The following SMYD5 variants were observed in gnomAD, a reference collection of about 807,000 sequenced individuals.
The protein encoded by SMYD5 is SMYD family member 5.
A neutral mutation model predicts 57.4 loss-of-function variants in SMYD5; 35 were observed. That is an observed-to-expected ratio of 0.61 (90% CI 0.47 to 0.81). The LOEUF is 0.81. SMYD5 is among the 30% of genes least tolerant of loss of function. SMYD5 has a pLI of 0.00. For missense variants in SMYD5, 471 were observed against 527.9 expected (o/e 0.89, Z 1.06); for synonymous variants, 198 against 189.7 (o/e 1.04, Z -0.36).
chr2:73,225,439 TG>T lies in SMYD5; in HGVS notation c.1036-190del, dbSNP rs909864238. 1.0e-5 allele frequency: 7 copies of T among 671,488 alleles called. No homozygotes were observed. The African/African-American group carries it at 1.3e-4, about 12-fold the overall frequency. The allele number at this position is 671,488 out of a possible 1,614,324, so 41.6% of individuals were successfully genotyped here. ...CTCCTCTGTCTCAGGCACAGGCTGT[TG>T]GAGCCTTATAGTGGCCTGCCTACTG... On this transcript the variant is annotated intron_variant, in intron 11 of 12. Transcript: ENST00000389501.
chr2:73,217,088 A>G (rs937687333), intron 1 of SMYD5, among the ~76,000 whole-genome samples: 6 of 151,964 alleles, frequency 3.9e-5, no homozygotes, highest in Non-Finnish European at 8.8e-5. Context: ...AGTAGCTGGG[A>G]CTACAGGTGA....
intron 1 of SMYD5, chr2:73,214,644 G>T: frequency 6.7e-7 from 1 of 1,494,658 alleles, no homozygotes; most frequent in South Asian, 1.2e-5. Context: ...GCGGGGCTAG[G>T]GGGCTTTGCT....
At chr2:73,219,765 T>A (rs535126333) in intron 2 of SMYD5, among the ~76,000 whole-genome samples, 1 of 151,984 alleles carries the variant, frequency 6.6e-6, no homozygotes, top group East Asian at 1.9e-4. Context: ...TTGGGGGTGG[T>A]AGGGGAGCCC....
intron 2 of SMYD5, 57 bp downstream of exon 2, chr2:73,219,026 C>T (rs1310427952): frequency 5.4e-5 from 67 of 1,234,536 alleles, no homozygotes; most frequent in Non-Finnish European, 7.3e-5. Flanking sequence ...TGGAAGTGAG[C>T]TGCATACATC....
chr2:73,216,768 G>T lies in SMYD5; in HGVS notation c.97-2093G>T, dbSNP rs542833309. On this transcript the variant is annotated intron_variant, in intron 1 of 12. Coordinates refer to ENST00000389501, the MANE Select transcript of SMYD5 (RefSeq NM_006062.3). ...TTTTTTTTTATAGAGATGGGGTCTT[G>T]CTGTGTTGCCCAGGCTGGTCTCAAA... Among the ~76,000 whole-genome samples the T allele has an allele frequency of 2.6e-5, 4 of 152,188 alleles. No homozygotes were observed. In the East Asian group the frequency reaches 5.8e-4, roughly 22 times the overall value.
intron 4 of SMYD5, among the ~76,000 whole-genome samples, 179 bp from the exon 5 acceptor site, chr2:73,220,986 C>T: frequency 6.6e-6 from 1 of 152,184 alleles, no homozygotes; most frequent in Non-Finnish European, 1.5e-5. Flanking sequence ...AACGCTCTCC[C>T]AGAAAGAGCC....
In SMYD5 at chr2:73,225,816, G is replaced by A. The variant is rs1282857084; in HGVS notation, c.1127G>A (p.Cys376Tyr). The change falls in exon 13 of 13, where the codon TGT becomes TAT. Residue 376 changes from cysteine (C) to tyrosine (Y), a missense_variant. Coordinates refer to ENST00000389501, the MANE Select transcript of SMYD5 (RefSeq NM_006062.3). ...TGCAGGGAGAACTATCTATTTGTCTGTTCCTGTCCCAAATGCCTGGCAGAG... is the reference window on the plus strand; with the variant it reads ...TGCAGGGAGAACTATCTATTTGTCTATTCCTGTCCCAAATGCCTGGCAGAG... Reference protein sequence around the residue: ...KILRENYLFVCSCPKCLAEAD... With the variant: ...KILRENYLFVYSCPKCLAEAD... The A allele has an allele frequency of 1.2e-6, 2 of 1,614,156 alleles. No individual in the cohort carries two copies. Among genetic ancestry groups the A allele is most frequent in the South Asian group, 2.2e-5 (2 of 91,080 alleles).
chr2:73,214,591 G>A (rs1352031902), intron 1 of SMYD5: 1 of 1,505,232 alleles, frequency 6.6e-7, no homozygotes, highest in Non-Finnish European at 8.9e-7. Flanking sequence ...CCTCCCAGCG[G>A]AATTCGGCCA....
intron 4 of SMYD5, 48 bp downstream of exon 4, chr2:73,220,830 T>G: frequency 1.9e-6 from 3 of 1,603,346 alleles, no homozygotes; most frequent in Non-Finnish European, 1.7e-6. Flanking sequence ...CCTCCCTGGT[T>G]GCCTGCCTGG....
Position 73,220,199 on chromosome 2 carries a change from T to C in SMYD5, c.345+9T>C. 6.2e-7 allele frequency: 1 copy of C among 1,613,270 alleles called. No individual in the cohort carries two copies. Among genetic ancestry groups the C allele is most frequent in the African/African-American group, 1.3e-5 (1 of 75,034 alleles). On this transcript the variant is annotated intron_variant, in intron 3 of 12. Coordinates refer to ENST00000389501, the MANE Select transcript of SMYD5 (RefSeq NM_006062.3). Reference sequence around the variant, plus strand: ...ACTGTCCCCATTGCCAAGTGAGTATTCTTGGGGAGTGTACCTGGAAGGGGG... The same window carrying C: ...ACTGTCCCCATTGCCAAGTGAGTATCCTTGGGGAGTGTACCTGGAAGGGGG...
chr2:73,220,440 G>A (rs1686363175), intron 3 of SMYD5, among the ~76,000 whole-genome samples: 1 of 152,168 alleles, frequency 6.6e-6, no homozygotes, highest in Non-Finnish European at 1.5e-5. Context: ...TCTTCCTGGG[G>A]ACCTGGCAGG....
In SMYD5 at chr2:73,221,917, G is replaced by T. The variant is rs751206693; in HGVS notation, c.629G>T (p.Gly210Val). ...GAGGAAATTGTCCATAAACTTCTGGGAGACAAATTCAAGGTTATTATTCTC... is the reference window on the plus strand; with the variant it reads ...GAGGAAATTGTCCATAAACTTCTGGTAGACAAATTCAAGGTTATTATTCTC... ...EEEEIVHKLL[G>V]DKFKGQLELL... Residue 210 changes from glycine to valine, a missense_variant, in exon 6 of 13, where the codon GGA becomes GTA. Physicochemically the swap from Gly to Val is moderately radical, Grantham distance 109 (BLOSUM62 -3). Transcript: ENST00000389501. 2.5e-6 allele frequency: 4 copies of T among 1,607,658 alleles called. No individual in the cohort carries two copies. Among genetic ancestry groups the T allele is most frequent in the Non-Finnish European group, 3.4e-6 (4 of 1,174,224 alleles).
At chr2:73,221,255 CG>C in intron 5 of SMYD5, 21 bp downstream of exon 5, 1 of 1,607,342 alleles carries the variant, frequency 6.2e-7, no homozygotes, top group South Asian at 1.1e-5. Context: ...CCAACCCTCT[CG>C]GGGAAGCTGA....
chr2:73,220,098 C>G lies in SMYD5; in HGVS notation c.253C>G (p.Gln85Glu), dbSNP rs757547290. ...ACTAGAGAAGGCAGAGGAGAATGCC[C>G]AGAGGCTGACCGGGAAACCAGGCCA... ...RALEKAEENA[Q>E]RLTGKPGQVL... The change falls in exon 3 of 13, where the codon CAG (glutamine) becomes GAG (glutamate). Residue 85 changes from glutamine to glutamate, a missense_variant. By Grantham distance (29) the Gln-to-Glu change is conservative. Coordinates refer to ENST00000389501, the MANE Select transcript of SMYD5 (RefSeq NM_006062.3). 6.2e-7 allele frequency: 1 copy of G among 1,614,160 alleles called. No homozygotes were observed. The highest frequency in any genetic ancestry group is 8.5e-7 in the Non-Finnish European group (1 of 1,180,020).
chr2:73,218,806 C>A, intron 1 of SMYD5, 55 bp from the exon 2 acceptor site: 4 of 1,349,320 alleles, frequency 3.0e-6, no homozygotes. Flanking sequence ...TGGAAGCTCT[C>A]GGAGCTATGT....
At chr2:73,219,872 A>G (rs781274630) in intron 2 of SMYD5, 179 bp from the exon 3 acceptor site, 4 of 791,220 alleles carry the variant, frequency 5.1e-6, no homozygotes, top group Non-Finnish European at 8.9e-6. Flanking sequence ...TGGGATGCAC[A>G]TGAAATAAAT....
intron 10 of SMYD5, 87 bp from the exon 11 acceptor site, chr2:73,224,779 G>T: frequency 1.9e-6 from 2 of 1,037,968 alleles, no homozygotes; most frequent in South Asian, 3.0e-5. Flanking sequence ...AGGGATGAAC[G>T]AGCAAGAAAG....
At position 73,224,858 on chromosome 2, in the gene SMYD5, T is replaced by C; in HGVS notation, c.941-8T>C. On this transcript the variant is annotated splice_polypyrimidine_tract_variant and splice_region_variant and intron_variant, in intron 10 of 12. Transcript: ENST00000389501. ...AATAATCCTCATTACCTGCCTCTTATGATCCAGGCAACCACAGTTGTGTGC... is the reference window on the plus strand; with the variant it reads ...AATAATCCTCATTACCTGCCTCTTACGATCCAGGCAACCACAGTTGTGTGC... 9.3e-6 allele frequency: 15 copies of C among 1,604,722 alleles called. No homozygotes were observed. Among genetic ancestry groups the C allele is most frequent in the Non-Finnish European group, 1.3e-5 (15 of 1,172,970 alleles).
At chr2:73,223,748 G>C (rs1212170303) in intron 9 of SMYD5, among the ~76,000 whole-genome samples, 199 bp from the exon 10 acceptor site, 1 of 152,040 alleles carries the variant, frequency 6.6e-6, no homozygotes, top group Non-Finnish European at 1.5e-5. Context: ...GGGGGGTGCT[G>C]GATAAATAGG....
Sources: gnomAD v4.1 joint callset for allele counts (sites outside exome capture counted in the v4.1 genomes callset) on GRCh38, gnomAD v4.1.1 for gene constraint, MANE v1.5 for transcripts, NCBI Gene and HGNC (gene_info 2026-07-23, HGNC 2026-07-21) for gene names.